The following SNX29 variants were observed in gnomAD, a reference collection of about 807,000 sequenced individuals.
The protein encoded by SNX29 is sorting nexin 29, also known as sorting nexin-29.
SNX29 carries 78 observed loss-of-function variants against 102.1 expected under a neutral mutation model. That is an observed-to-expected ratio of 0.76 (90% CI 0.64 to 0.92). The LOEUF (loss-of-function observed/expected upper bound fraction) is 0.92. Ranked by LOEUF, SNX29 falls within the 40% of genes least tolerant of loss-of-function variation. The pLI is 0.00. For missense variants in SNX29, 1,280 were observed against 1,061.7 expected, an observed-to-expected ratio of 1.21 and a Z score of -2.86; for synonymous variants, 580 against 414.5, an observed-to-expected ratio of 1.40 and a Z score of -4.85.
intron 10 of SNX29, among the ~76,000 whole-genome samples, chr16:12,069,744 G>T (rs2051203499): frequency 6.6e-6 from 1 of 152,176 alleles, no homozygotes; most frequent in South Asian, 2.1e-4. Context: ...AGGCTGGAGT[G>T]CGGTGGCGCA....
chr16:12,524,823 A>G lies in SNX29; in HGVS notation c.2300A>G (p.Gln767Arg), dbSNP rs545226622. 12 of 1,613,588 alleles carry G rather than the reference A, an allele frequency of 7.4e-6. No homozygotes were observed. The South Asian group carries it at 1.1e-4, about 15-fold the overall frequency. Residue 767 changes from glutamine (Q) to arginine (R), a missense_variant, in exon 20 of 21, where the codon CAG becomes CGG. Gln to Arg is a conservative substitution (Grantham distance 43, BLOSUM62 1). Coordinates refer to ENST00000566228, the MANE Select transcript of SNX29 (RefSeq NM_032167.5). ...AGCCCCAAGAAGGAGACCCTCATCC[A>G]GCTGATGCCCTTCTTCGTGTAAGTA... is the stretch of plus-strand genomic sequence containing the variant. ...AASPKKETLI[Q>R]LMPFFVDITP...
intron 10 of SNX29, among the ~76,000 whole-genome samples, chr16:12,074,908 ATTCAT>A (rs2051477462): frequency 6.6e-6 from 1 of 151,750 alleles, no homozygotes; most frequent in African/African-American, 2.4e-5. Flanking sequence ...ACTTCATTTC[ATTCAT>A]TTCATCTTCC....
chr16:12,503,612 T>G (rs2089229846), intron 19 of SNX29, among the ~76,000 whole-genome samples: 2 of 152,206 alleles, frequency 1.3e-5, no homozygotes, highest in South Asian at 2.1e-4. Flanking sequence ...GCAGAAATGG[T>G]GCAGCTTAAA....
chr16:12,455,277 C>A (rs1311871791), intron 18 of SNX29, among the ~76,000 whole-genome samples: 2 of 152,176 alleles, frequency 1.3e-5, no homozygotes, highest in East Asian at 3.8e-4. Flanking sequence ...GTTTCTAAAG[C>A]CCCCACACCT....
chr16:12,555,971 G>A (rs2078317484), intron 20 of SNX29, among the ~76,000 whole-genome samples: 1 of 149,178 alleles, frequency 6.7e-6, no homozygotes, highest in South Asian at 2.2e-4. Context: ...CATCTGCGTG[G>A]CTTTCAATTT....
At chr16:12,035,630 A>G (rs2151151790) in intron 4 of SNX29, among the ~76,000 whole-genome samples, 1 of 152,308 alleles carries the variant, frequency 6.6e-6, no homozygotes, top group South Asian at 2.1e-4. Context: ...CTGGCACATG[A>G]GTGAACTTGG....
intron 18 of SNX29, among the ~76,000 whole-genome samples, chr16:12,470,022 AAAAT>A (rs1296486783): frequency 3.9e-5 from 6 of 152,306 alleles, no homozygotes; most frequent in South Asian, 2.1e-4. Flanking sequence ...TCAAAAAAAT[AAAAT>A]AAATAAATAA....
intron 14 of SNX29, among the ~76,000 whole-genome samples, chr16:12,266,119 C>T (rs1307676129): frequency 6.6e-6 from 1 of 151,988 alleles, no homozygotes; most frequent in African/African-American, 2.4e-5. Flanking sequence ...GAGACAGGGT[C>T]TCACCATGTT....
rs144023927 is a variant in SNX29 at position 12,155,129 on chromosome 16, C to T, written c.1595+25371C>T. Among the ~76,000 whole-genome samples the T allele has an allele frequency of 5.4e-3, 815 of 152,226 alleles. 4 individuals carry two copies. The highest frequency in any genetic ancestry group is 7.0e-3 in the Non-Finnish European group (478 of 68,002). On this transcript the variant is annotated intron_variant, in intron 13 of 20. Coordinates refer to ENST00000566228, the MANE Select transcript of SNX29 (RefSeq NM_032167.5). Reference sequence around the variant, plus strand: ...CTGGACTTCTTGCTTGTCCTGCCCCCGTTGGTTGCCCCACCACCCCTTCCG... The same window carrying T: ...CTGGACTTCTTGCTTGTCCTGCCCCTGTTGGTTGCCCCACCACCCCTTCCG...
In SNX29 at chr16:12,568,713, C is replaced by T. The variant is rs1009554361; in HGVS notation, c.*84C>T. ...CACTGCCGCTGGCCCCTCACCTCAG[C>T]GTGACAACCACGTCCACCTGGTGAT... On this transcript the variant is annotated 3_prime_UTR_variant, in exon 21 of 21. Transcript: ENST00000566228. 325 of 1,541,062 alleles carry T rather than the reference C, an allele frequency of 2.1e-4. 2 individuals are homozygous for T. The highest frequency in any genetic ancestry group is 2.6e-4 in the Non-Finnish European group (298 of 1,148,064).
chr16:12,304,299 G>C (rs1401913693), intron 15 of SNX29, among the ~76,000 whole-genome samples: 1 of 151,438 alleles, frequency 6.6e-6, no homozygotes, highest in Non-Finnish European at 1.5e-5. Context: ...TGGCTTTTTT[G>C]TTGTTGTTGC....
intron 14 of SNX29, among the ~76,000 whole-genome samples, chr16:12,256,698 G>A (rs772166710): frequency 2.0e-5 from 3 of 152,112 alleles, no homozygotes; most frequent in Non-Finnish European, 4.4e-5. Context: ...CTATGTGCCA[G>A]GTACCAGGCT....
intron 20 of SNX29, chr16:12,561,216 T>C (rs2042916): frequency 0.71 from 164,055 of 229,942 alleles, 59,387 homozygotes; most frequent in Middle Eastern, 0.83. Context: ...CCCGCAGCCA[T>C]GCAGTACAGA....
chr16:12,280,650 C>A (rs900015989), intron 15 of SNX29, among the ~76,000 whole-genome samples: 4 of 152,144 alleles, frequency 2.6e-5, no homozygotes, highest in African/African-American at 9.7e-5. Context: ...ATTTTTCCTT[C>A]TTTTTTGGTT....
chr16:12,559,587 C>A (rs983023086), intron 20 of SNX29, among the ~76,000 whole-genome samples: 4 of 151,814 alleles, frequency 2.6e-5, no homozygotes, highest in Non-Finnish European at 5.9e-5. Context: ...ATCCCTGGTG[C>A]CAAAAAGGTT....
chr16:12,378,378 G>A (rs563441458), intron 16 of SNX29, among the ~76,000 whole-genome samples: 16 of 152,268 alleles, frequency 1.1e-4, no homozygotes, highest in African/African-American at 3.1e-4. Flanking sequence ...GGCCAGGTGC[G>A]GTGGCTCATG....
At position 12,571,938 on chromosome 16, in the gene SNX29, T is replaced by G. The variant is rs1247402973; in HGVS notation, c.*3309T>G. 6 of 1,061,996 alleles carry G rather than the reference T, an allele frequency of 5.6e-6. No homozygotes were observed. The highest frequency in any genetic ancestry group is 6.8e-6 in the Non-Finnish European group (6 of 877,170). The allele number at this position is 1,061,996 out of a possible 1,614,324, so 65.8% of individuals were successfully genotyped here. On this transcript the variant is annotated 3_prime_UTR_variant, in exon 21 of 21. Coordinates refer to ENST00000566228, the MANE Select transcript of SNX29 (RefSeq NM_032167.5). ...GGCAGGCCCTGGTGAAGGAAGACAC[T>G]TTCAGGGAAGAGGCTCTTACAGTCT...
intron 10 of SNX29, 106 bp downstream of exon 10, chr16:12,069,238 G>A: frequency 1.1e-6 from 1 of 924,362 alleles, no homozygotes; most frequent in Non-Finnish European, 1.6e-6. Context: ...GGATTAAAGG[G>A]CAAGGGTTTA....
At position 12,151,399 on chromosome 16, in the gene SNX29, G is replaced by C. The variant is rs1597052124; in HGVS notation, c.1595+21641G>C. ...CAGTGGCTTTGTTTGAGTGGGTTCTGATTTTACTTTTCAAAGTGTTAAGTC... is the reference window on the plus strand; with the variant it reads ...CAGTGGCTTTGTTTGAGTGGGTTCTCATTTTACTTTTCAAAGTGTTAAGTC... On this transcript the variant is annotated intron_variant, in intron 13 of 20. Transcript: ENST00000566228. Among the ~76,000 whole-genome samples, 3 of 152,228 alleles carry C rather than the reference G, an allele frequency of 2.0e-5. No individual in the cohort carries two copies. The Middle Eastern group carries it at 0.01, about 518-fold the overall frequency.
Sources: allele counts gnomAD v4.1 joint callset (sites outside exome capture counted in the v4.1 genomes callset), GRCh38; gene constraint gnomAD v4.1.1; transcripts MANE v1.5; gene names NCBI Gene and HGNC (gene_info 2026-07-23, HGNC 2026-07-21).